VPS13A: variants seen among roughly 807,000 people sequenced by gnomAD.
VPS13A encodes vacuolar protein sorting 13 homolog A, also known as intermembrane lipid transfer protein VPS13A.
In VPS13A, 264 loss-of-function variants were observed where a neutral mutation model predicts 390.9. The observed-to-expected ratio is 0.68, with a 90% CI of 0.61 to 0.75. VPS13A has a LOEUF of 0.75. Among genes scored for constraint, VPS13A ranks in the 30% least tolerant of loss-of-function variants. VPS13A has a pLI of 0.00. For missense variants in VPS13A, 3,409 were observed against 3,733.9 expected (o/e 0.91, Z 2.27); for synonymous variants, 1,231 against 1,227.1 (o/e 1.00, Z -0.07).
Position 77,238,311 on chromosome 9 carries a change from A to G in VPS13A, c.1825A>G (p.Lys609Glu), listed in dbSNP as rs758307553. 6.2e-7 allele frequency: 1 copy of G among 1,614,024 alleles called. No homozygotes were observed. Among genetic ancestry groups the G allele is most frequent in the Non-Finnish European group, 8.5e-7 (1 of 1,179,950 alleles). Residue 609 changes from lysine (K) to glutamate (E), a missense_variant, in exon 19 of 72, where the codon AAA becomes GAA. By Grantham distance (56) the Lys-to-Glu change is moderately conservative (BLOSUM62 1). Transcript: ENST00000360280. ...TATAGTGGAATTCTTCAGACCTCCAAAAGAGGTACATCTAGCACAGCTCAC... is the reference window on the plus strand; with the variant it reads ...TATAGTGGAATTCTTCAGACCTCCAGAAGAGGTACATCTAGCACAGCTCAC... ...NSIVEFFRPP[K>E]EVHLAQLTAA...
intron 2 of VPS13A, among the ~76,000 whole-genome samples, chr9:77,201,000 C>T (rs143604892): frequency 5.3e-5 from 8 of 152,080 alleles, no homozygotes; most frequent in East Asian, 1.9e-4. Context: ...TTTTACAAAA[C>T]GCGTATTTTG....
chr9:77,186,527 T>A (rs1170189044), intron 1 of VPS13A, among the ~76,000 whole-genome samples: 1 of 152,114 alleles, frequency 6.6e-6, no homozygotes, highest in Non-Finnish European at 1.5e-5. Context: ...AACCTCTGCC[T>A]CCTGGGTTCA....
chr9:77,354,500 A>T (rs1195249264), intron 54 of VPS13A, among the ~76,000 whole-genome samples: 2 of 152,300 alleles, frequency 1.3e-5, no homozygotes, highest in Non-Finnish European at 2.9e-5. Context: ...TGCAAAGATG[A>T]ATAATACATG....
At chr9:77,400,223 ATTTTT>A (rs34605855) in intron 68 of VPS13A, among the ~76,000 whole-genome samples, 26 of 88,104 alleles carry the variant, frequency 3.0e-4, no homozygotes, top group African/African-American at 6.6e-4. Context: ...TATCAGTCAG[ATTTTT>A]TTTTTTTTTT....
intron 31 of VPS13A, among the ~76,000 whole-genome samples, chr9:77,288,371 G>C (rs889081021): frequency 6.6e-6 from 1 of 152,000 alleles, no homozygotes; most frequent in Admixed American, 6.6e-5. Flanking sequence ...TTAAATTATT[G>C]ATTTGAGAAT....
At chr9:77,371,875 C>T (rs867316814) in intron 67 of VPS13A, among the ~76,000 whole-genome samples, 15 of 130,974 alleles carry the variant, frequency 1.1e-4, no homozygotes, top group Admixed American at 1.0e-3. Flanking sequence ...TTGTTCAGTT[C>T]CCACCTATGA....
At chr9:77,193,753 T>G (rs2131083126) in intron 1 of VPS13A, among the ~76,000 whole-genome samples, 1 of 152,340 alleles carries the variant, frequency 6.6e-6, no homozygotes, top group Non-Finnish European at 1.5e-5. Flanking sequence ...CTTTCTCATC[T>G]TTGTGGGCTG....
At chr9:77,207,257 C>T (rs1417232342) in intron 5 of VPS13A, among the ~76,000 whole-genome samples, 115 of 41,746 alleles carry the variant, frequency 2.8e-3, no homozygotes, top group African/African-American at 2.7e-3. Flanking sequence ...ATATATAAAA[C>T]GTGTTATATG....
intron 57 of VPS13A, 66 bp from the exon 58 acceptor site, chr9:77,359,267 T>C: frequency 3.1e-6 from 4 of 1,310,700 alleles, no homozygotes; most frequent in Non-Finnish European, 3.3e-6. Context: ...GTGGTGTATA[T>C]TGGAAGAAAA....
Position 77,177,691 on chromosome 9 carries a change from C to T in VPS13A, c.-14C>T. On this transcript the variant is annotated 5_prime_UTR_variant, in exon 1 of 72. Transcript: ENST00000360280. ...CGCACGGGCCGGCTGCCGTGCCCAC[C>T]ACGGCTGAGGAACATGGTTTTCGAG... is the stretch of plus-strand genomic sequence containing the variant. 1 of 1,612,374 alleles carries T rather than the reference C, an allele frequency of 6.2e-7. No individual in the cohort carries two copies.
At position 77,418,450 on chromosome 9, in the gene VPS13A, G is replaced by A. The variant is rs1835239403; in HGVS notation, c.*2444G>A. The A allele has an allele frequency of 6.6e-6, 1 of 152,156 alleles. No homozygotes were observed. The highest frequency in any genetic ancestry group is 1.5e-5 in the Non-Finnish European group (1 of 68,038). 9.4% of individuals were successfully genotyped at this position (152,156 alleles called of 1,614,324 possible). ...AGTGACTTTGATTTCTGGTACTTGTGATCAAAAGCAGCTTGTGATTTCTTC... is the reference window on the plus strand; with the variant it reads ...AGTGACTTTGATTTCTGGTACTTGTAATCAAAAGCAGCTTGTGATTTCTTC... On this transcript the variant is annotated 3_prime_UTR_variant, in exon 72 of 72. Coordinates refer to ENST00000360280, the MANE Select transcript of VPS13A (RefSeq NM_033305.3).
intron 1 of VPS13A, among the ~76,000 whole-genome samples, chr9:77,186,099 C>T (rs1824316263): frequency 6.6e-6 from 1 of 152,186 alleles, no homozygotes. Flanking sequence ...GCCTGGGCGA[C>T]AGTGCGAAAC....
At chr9:77,213,361 T>A (rs1826079639) in intron 9 of VPS13A, 47 bp downstream of exon 9, 1 of 1,462,970 alleles carries the variant, frequency 6.8e-7, no homozygotes, top group Non-Finnish European at 9.6e-7. Flanking sequence ...ATATTTTGCA[T>A]GAGGTTTAAT....
chr9:77,359,799 CA>C (rs1326695087), intron 58 of VPS13A, among the ~76,000 whole-genome samples: 1 of 137,566 alleles, frequency 7.3e-6, no homozygotes, highest in African/African-American at 2.7e-5. Flanking sequence ...GCCTGGGTGA[CA>C]GAGCAAGACT....
chr9:77,401,328 GTTGTGTGTGTGTGTGT>G lies in VPS13A; in HGVS notation c.9190-1907_9190-1892del, dbSNP rs1192712152. Among the ~76,000 whole-genome samples, 15 of 95,226 alleles carry G rather than the reference GTTGTGTGTGTGTGTGT, an allele frequency of 1.6e-4. 1 individual carries two copies. In the South Asian group the frequency reaches 5.4e-3, roughly 34 times the overall value. 62.5% of individuals were successfully genotyped at this position (95,226 alleles called of 152,430 possible). ...AACCACCATCTTGGGATCACATGAA[GTTGTGTGTGTGTGTGT>G]GTGTGTGTGTGTGTGTGTGTGTGTG... is the stretch of plus-strand genomic sequence containing the variant. On this transcript the variant is annotated intron_variant, in intron 68 of 71. Coordinates refer to ENST00000360280, the MANE Select transcript of VPS13A (RefSeq NM_033305.3).
At chr9:77,344,379 G>T (rs944032738) in intron 51 of VPS13A, 98 bp downstream of exon 51, 39 of 1,337,558 alleles carry the variant, frequency 2.9e-5, no homozygotes, top group Non-Finnish European at 3.6e-5. Context: ...TACTTCTGTT[G>T]ATTTTTCCCC....
intron 68 of VPS13A, among the ~76,000 whole-genome samples, chr9:77,394,024 T>A (rs1319806391): frequency 1.3e-5 from 2 of 151,958 alleles, no homozygotes; most frequent in East Asian, 3.9e-4. Flanking sequence ...CACCTCGGCG[T>A]CCCAAAGTGC....
Position 77,283,626 on chromosome 9 carries a change from T to C in VPS13A, c.3315T>C (p.Ser1105=). Residue 1105 remains serine, a synonymous_variant, in exon 31 of 72, where the codon TCT becomes TCC. Transcript: ENST00000360280. ...TAAGGAATATAATTGTTTTAGATTCTGATATAACAGCTATATACAAAAAGG... is the reference window on the plus strand; with the variant it reads ...TAAGGAATATAATTGTTTTAGATTCCGATATAACAGCTATATACAAAAAGG... ...AKLRNIIVLD[S]DITAIYKKAV... The C allele has an allele frequency of 6.2e-7, 1 of 1,610,776 alleles. No homozygotes were observed.
Position 77,337,511 on chromosome 9 carries a change from C to T in VPS13A, c.6352C>T (p.Pro2118Ser). 1 of 1,612,714 alleles carries T rather than the reference C, an allele frequency of 6.2e-7. No individual in the cohort carries two copies. Among genetic ancestry groups the T allele is most frequent in the Non-Finnish European group, 8.5e-7 (1 of 1,179,436 alleles). ...ACCTATCCTGCTCCGAAATCTTCTT[C>T]CTTACAAAATTGCTTATTATATAGA... ...WPPILLRNLL[P>S]YKIAYYIEGI... The change falls in exon 47 of 72, where the codon CCT becomes TCT. Residue 2118 changes from proline (P) to serine (S), a missense_variant. Transcript: ENST00000360280.
Sources: allele counts gnomAD v4.1 joint callset (sites outside exome capture counted in the v4.1 genomes callset), GRCh38; gene constraint gnomAD v4.1.1; transcripts MANE v1.5; gene names NCBI Gene and HGNC (gene_info 2026-07-23, HGNC 2026-07-21).